CELF2: variants seen among roughly 807,000 people sequenced by gnomAD.
CELF2 encodes the protein CUG triplet repeat RNA-binding protein 2.
In CELF2, 8 loss-of-function variants were observed where a neutral mutation model predicts 62.6. That is an observed-to-expected ratio of 0.13 (90% CI 0.07 to 0.23). The LOEUF (loss-of-function observed/expected upper bound fraction) is 0.23. Among genes scored for constraint, CELF2 ranks in the 10% least tolerant of loss-of-function variants. The probability of loss-of-function intolerance (pLI) is 1.00; values close to 1 mark genes in which losing one functional copy is unlikely to be tolerated. For synonymous variants in CELF2, 258 were observed against 250.0 expected (o/e 1.03, Z -0.30); for missense variants, 333 against 671.0 (o/e 0.50, Z 5.56).
At chr10:10,547,747 T>C in the CELF2 span, among the ~76,000 whole-genome samples, 1 of 151,282 alleles carries the variant, frequency 6.6e-6, no homozygotes, top group Admixed American at 6.6e-5. Context: ...GCAATAAGCT[T>C]GTAAATGTCC....
In CELF2 at chr10:10,990,473, G is replaced by C. The variant is rs1482173188; in HGVS notation, c.89+70474G>C. Reference sequence around the variant, plus strand: ...ATTATTATGAGCATGAATTGCTTTTGTAATCATTAAAAACAATAAACGTTA... The same window carrying C: ...ATTATTATGAGCATGAATTGCTTTTCTAATCATTAAAAACAATAAACGTTA... On this transcript the variant is annotated intron_variant, in intron 2 of 13. Coordinates refer to the CELF2 transcript ENST00000636488. The surrounding 1 kb of genome is among the most constrained non-coding windows in gnomAD (Gnocchi z 4.6). Among the ~76,000 whole-genome samples the C allele has an allele frequency of 6.6e-6, 1 of 151,982 alleles. No individual in the cohort carries two copies.
At chr10:11,040,990 C>T (rs1189152674) in intron 1 of CELF2, among the ~76,000 whole-genome samples, 1 of 152,174 alleles carries the variant, frequency 6.6e-6, no homozygotes, top group African/African-American at 2.4e-5. Flanking sequence ...GACTGGACGA[C>T]TTAAACAACT....
At chr10:10,890,633 G>T (rs992363983) in intron 1 of CELF2, among the ~76,000 whole-genome samples, 2 of 152,198 alleles carry the variant, frequency 1.3e-5, no homozygotes, top group African/African-American at 4.8e-5. Flanking sequence ...TTGCTGAGAG[G>T]TGAAGCTGGT....
the CELF2 span, among the ~76,000 whole-genome samples, chr10:10,687,594 G>T: frequency 6.6e-6 from 1 of 152,090 alleles, no homozygotes; most frequent in Non-Finnish European, 1.5e-5. Context: ...TCTCCCTAGG[G>T]CACTCACTGA....
intron 1 of CELF2, among the ~76,000 whole-genome samples, chr10:11,041,399 G>A (rs111503269): frequency 1.8e-3 from 279 of 152,206 alleles, no homozygotes; most frequent in African/African-American, 6.1e-3. Flanking sequence ...GTACAGTATC[G>A]AAACCCACTG....
intron 2 of CELF2, among the ~76,000 whole-genome samples, chr10:11,189,250 A>G (rs916354973): frequency 3.4e-4 from 51 of 152,158 alleles, no homozygotes; most frequent in African/African-American, 1.1e-3. Flanking sequence ...CTGGATACTC[A>G]AGAGGGACCT....
At chr10:11,152,775 G>C (rs1055701857) in intron 1 of CELF2, among the ~76,000 whole-genome samples, 3 of 152,144 alleles carry the variant, frequency 2.0e-5, no homozygotes, top group Non-Finnish European at 4.4e-5. Context: ...TCTTGTCACA[G>C]TTGTCAGTTT....
intron 1 of CELF2, among the ~76,000 whole-genome samples, chr10:11,019,592 C>CA (rs143232497): frequency 0.12 from 18,337 of 151,238 alleles, 1,608 homozygotes; most frequent in African/African-American, 0.25. Flanking sequence ...ACCTCCCCAC[C>CA]AAAAAAAAGG....
the CELF2 span, among the ~76,000 whole-genome samples, chr10:10,491,955 C>T: frequency 6.6e-6 from 1 of 152,048 alleles, no homozygotes; most frequent in South Asian, 2.1e-4. Flanking sequence ...TTCTTGAATG[C>T]CCCATCCCTC....
At chr10:10,862,866 A>T (rs2060126289) in intron 1 of CELF2, among the ~76,000 whole-genome samples, 1 of 152,268 alleles carries the variant, frequency 6.6e-6, no homozygotes, top group Non-Finnish European at 1.5e-5. Flanking sequence ...TTTATATTCA[A>T]AATTCTTATT....
At chr10:10,728,481 G>GA in the CELF2 span, among the ~76,000 whole-genome samples, 3 of 147,080 alleles carry the variant, frequency 2.0e-5, no homozygotes, top group East Asian at 4.0e-4. Flanking sequence ...AAAAGAGAGA[G>GA]AAAAAAATGC....
chr10:10,870,867 T>C (rs534648307), intron 1 of CELF2, among the ~76,000 whole-genome samples: 4 of 152,266 alleles, frequency 2.6e-5, no homozygotes, highest in African/African-American at 9.6e-5. Flanking sequence ...TACTGCCTCT[T>C]GTTCGTTAAT....
chr10:10,533,670 G>A, the CELF2 span, among the ~76,000 whole-genome samples: 9 of 152,118 alleles, frequency 5.9e-5, no homozygotes, highest in African/African-American at 1.9e-4. Context: ...AGGAATCCTC[G>A]CACATTAGGA....
Position 10,991,959 on chromosome 10 carries a change from C to G in CELF2, c.89+71960C>G, listed in dbSNP as rs138541280. ...TCTTCATTCACTTGGTTATTTTTTA[C>G]GCTATTATGCAACAAACATTTATTG... On this transcript the variant is annotated intron_variant, in intron 2 of 13. Coordinates refer to the CELF2 transcript ENST00000636488. 7.8e-4 allele frequency among the ~76,000 whole-genome samples: 119 copies of G among 152,244 alleles called. 2 individuals carry two copies. Among genetic ancestry groups the G allele is most frequent in the Non-Finnish European group, 1.5e-3 (100 of 68,008 alleles).
intron 2 of CELF2, among the ~76,000 whole-genome samples, chr10:10,984,375 C>T (rs976093528): frequency 5.3e-5 from 8 of 152,162 alleles, no homozygotes; most frequent in African/African-American, 1.9e-4. Flanking sequence ...AGCTATTTTG[C>T]TTTGACTACT....
the CELF2 span, chr10:10,776,323 T>C: frequency 6.5e-6 from 1 of 153,364 alleles, no homozygotes; most frequent in Non-Finnish European, 1.5e-5. Flanking sequence ...TGGAGCATAC[T>C]TCTATAGAAA....
At chr10:10,682,132 A>G in the CELF2 span, among the ~76,000 whole-genome samples, 1 of 152,208 alleles carries the variant, frequency 6.6e-6, no homozygotes, top group Non-Finnish European at 1.5e-5. Flanking sequence ...CAAAATCCTC[A>G]ATGTAATATG....
At chr10:10,951,589 T>C (rs1488111842) in intron 2 of CELF2, among the ~76,000 whole-genome samples, 2 of 152,196 alleles carry the variant, frequency 1.3e-5, no homozygotes. Flanking sequence ...CCAAGGACAT[T>C]AGTTTTAAAG....
the CELF2 span, among the ~76,000 whole-genome samples, chr10:10,548,761 G>A: frequency 6.6e-6 from 1 of 151,994 alleles, no homozygotes; most frequent in Non-Finnish European, 1.5e-5. Context: ...TTTTTCGTAA[G>A]TATTTTGCCT....
Sources: gnomAD v4.1 joint callset for allele counts (sites outside exome capture counted in the v4.1 genomes callset) on GRCh38, gnomAD v4.1.1 for gene constraint, Gnocchi (gnomAD v3.1) non-coding constraint, MANE v1.5 for transcripts, NCBI Gene and HGNC (gene_info 2026-07-23, HGNC 2026-07-21) for gene names.